The following DGKB variants were observed in gnomAD, a reference collection of about 807,000 sequenced individuals.
DGKB encodes 90 kDa diacylglycerol kinase.
DGKB carries 67 observed loss-of-function variants against 114.3 expected under a neutral mutation model. That is an observed-to-expected ratio of 0.59 (90% CI 0.48 to 0.72). DGKB has a LOEUF of 0.72. Among genes scored for constraint, DGKB ranks in the 30% least tolerant of loss-of-function variants. The pLI is 0.00. For missense variants in DGKB, 907 were observed against 975.2 expected (o/e 0.93, Z 0.93); for synonymous variants, 398 against 323.1 (o/e 1.23, Z -2.49).
chr7:14,428,143 T>C (rs1417811206), intron 21 of DGKB, among the ~76,000 whole-genome samples: 1 of 152,018 alleles, frequency 6.6e-6, no homozygotes, highest in African/African-American at 2.4e-5. Flanking sequence ...TAGACAGTGT[T>C]CTATACTTTG....
At chr7:14,711,765 C>A (rs1277419387) in intron 6 of DGKB, among the ~76,000 whole-genome samples, 1 of 152,072 alleles carries the variant, frequency 6.6e-6, no homozygotes, top group Admixed American at 6.6e-5. Flanking sequence ...TCTTCCCCAA[C>A]AGAAGACTAG....
At chr7:14,203,616 G>C (rs1713522108) in intron 23 of DGKB, among the ~76,000 whole-genome samples, 3 of 151,944 alleles carry the variant, frequency 2.0e-5, no homozygotes, top group African/African-American at 7.2e-5. Flanking sequence ...CATAACTGAA[G>C]GGGTCACCAT....
chr7:14,910,757 T>G (rs1488735845), intron 1 of DGKB, among the ~76,000 whole-genome samples: 1 of 152,190 alleles, frequency 6.6e-6, no homozygotes, highest in African/African-American at 2.4e-5. Flanking sequence ...GCTACATTGC[T>G]TCTCCACTTT....
chr7:14,757,561 C>T, intron 3 of DGKB, 94 bp downstream of exon 3: 5 of 713,498 alleles, frequency 7.0e-6, no homozygotes, highest in Non-Finnish European at 1.2e-5. Flanking sequence ...TACATACACA[C>T]ACACACACAT....
intron 23 of DGKB, among the ~76,000 whole-genome samples, chr7:14,244,051 GA>G (rs1380480242): frequency 2.1e-5 from 3 of 139,602 alleles, no homozygotes; most frequent in Non-Finnish European, 1.6e-5. Flanking sequence ...GAGAGAGAGA[GA>G]GGGAGAGAGA....
chr7:14,728,863 C>T (rs900910521), intron 5 of DGKB, among the ~76,000 whole-genome samples: 6 of 151,862 alleles, frequency 4.0e-5, no homozygotes, highest in Admixed American at 1.3e-4. Context: ...CCACCACGCC[C>T]AGCTGATTTT....
chr7:14,210,269 C>T (rs530465446), intron 23 of DGKB, among the ~76,000 whole-genome samples: 24 of 152,098 alleles, frequency 1.6e-4, no homozygotes, highest in African/African-American at 5.3e-4. Context: ...GCAATGCCTC[C>T]GTTACTGGGG....
chr7:14,149,887 T>C (rs1000217248), intron 25 of DGKB, among the ~76,000 whole-genome samples: 2 of 152,208 alleles, frequency 1.3e-5, no homozygotes, highest in African/African-American at 2.4e-5. Context: ...GAGAGACTGT[T>C]CTAAAGCTAC....
intron 13 of DGKB, among the ~76,000 whole-genome samples, chr7:14,652,754 G>A (rs1814845424): frequency 1.3e-5 from 2 of 151,986 alleles, no homozygotes; most frequent in Non-Finnish European, 2.9e-5. Flanking sequence ...CTACTCATCT[G>A]ACAAAGGGCT....
intron 1 of DGKB, among the ~76,000 whole-genome samples, chr7:14,883,019 G>A (rs1234812331): frequency 6.6e-6 from 1 of 151,800 alleles, no homozygotes; most frequent in Non-Finnish European, 1.5e-5. Flanking sequence ...TAGGGTAAAA[G>A]GTAATGGCTG....
In DGKB at chr7:14,685,247, G is replaced by T. The variant is rs746836915; in HGVS notation, c.827C>A (p.Ser276Tyr). 1.2e-4 allele frequency: 198 copies of T among 1,609,328 alleles called. No individual in the cohort carries two copies. Among genetic ancestry groups the T allele is most frequent in the Non-Finnish European group, 1.6e-4 (194 of 1,175,860 alleles). The part of the protein sequence containing the change: ...IGVGKQGLCC[S>Y]FCKYTVHERC... The stretch of plus-strand genomic sequence containing the variant: ...CCAGGCAGAGCAAATGTACTCACAG[G>T]AACAGCAGAGGCCCTGCTTCCCCAC... Residue 276 changes from serine to tyrosine, a missense_variant and splice_region_variant, in exon 10 of 26, where the codon TCC (serine) becomes TAC (tyrosine). Physicochemically the swap from Ser to Tyr is moderately radical, Grantham distance 144. Around this residue, in one of 3 missense-constraint regions of DGKB, gnomAD observed 814 missense variants for 856.6 expected, o/e 0.95. Coordinates refer to ENST00000402815, the MANE Select transcript of DGKB (RefSeq NM_001350709.2).
At chr7:14,515,249 A>C (rs999944729) in intron 20 of DGKB, among the ~76,000 whole-genome samples, 6 of 152,196 alleles carry the variant, frequency 3.9e-5, no homozygotes, top group Admixed American at 2.6e-4. Context: ...ATTTTTCCTA[A>C]ATTAGCAATT....
intron 5 of DGKB, among the ~76,000 whole-genome samples, chr7:14,731,070 G>C (rs1830840008): frequency 6.6e-6 from 1 of 152,154 alleles, no homozygotes; most frequent in East Asian, 1.9e-4. Flanking sequence ...ATGAGTACTA[G>C]AGAGTATTTT....
At chr7:14,880,389 C>A (rs192922964) in intron 1 of DGKB, among the ~76,000 whole-genome samples, 1 of 152,154 alleles carries the variant, frequency 6.6e-6, no homozygotes, top group African/African-American at 2.4e-5. Flanking sequence ...ACCTGGGAGG[C>A]GTAGGTTGCT....
At chr7:14,184,159 C>T (rs566628084) in intron 23 of DGKB, among the ~76,000 whole-genome samples, 28 of 152,254 alleles carry the variant, frequency 1.8e-4, no homozygotes, top group East Asian at 5.8e-4. Context: ...CCCTAACTGG[C>T]CGTTCCTGCC....
chr7:14,472,988 C>G (rs543393154), intron 21 of DGKB, among the ~76,000 whole-genome samples: 1 of 152,142 alleles, frequency 6.6e-6, no homozygotes, highest in Admixed American at 6.5e-5. Context: ...AAATTTGCAG[C>G]CTGGCAATGC....
At chr7:14,955,148 A>C (rs769108847) in intron 1 of DGKB, among the ~76,000 whole-genome samples, 3 of 152,066 alleles carry the variant, frequency 2.0e-5, no homozygotes, top group Non-Finnish European at 4.4e-5. Context: ...AATAGAATAA[A>C]ATTAGGAGAT....
chr7:14,342,734 T>C (rs960369086), intron 22 of DGKB, among the ~76,000 whole-genome samples: 1 of 151,936 alleles, frequency 6.6e-6, no homozygotes, highest in African/African-American at 2.4e-5. Flanking sequence ...TATATGTGCA[T>C]TGTTTAGCAT....
At chr7:14,847,655 C>G (rs1159053445) in intron 1 of DGKB, among the ~76,000 whole-genome samples, 2 of 152,100 alleles carry the variant, frequency 1.3e-5, no homozygotes, top group Non-Finnish European at 2.9e-5. Context: ...ACTAAACCAA[C>G]TACACCCATA....
Sources: allele counts gnomAD v4.1 joint callset (sites outside exome capture counted in the v4.1 genomes callset), GRCh38; gene constraint gnomAD v4.1.1; regional missense constraint gnomAD v4.1.1; transcripts MANE v1.5; gene names NCBI Gene and HGNC (gene_info 2026-07-23, HGNC 2026-07-21).